Variants in KERA observed in about 807,000 individuals in gnomAD.
KERA encodes keratan sulfate proteoglycan keratocan.
KERA carries 25 observed loss-of-function variants against 26.4 expected under a neutral mutation model. The observed-to-expected ratio is 0.95, with a 90% CI of 0.69 to 1.32. KERA has a LOEUF of 1.32. KERA is among the 40% of genes most tolerant of loss of function. The pLI, the probability that KERA is intolerant of heterozygous loss-of-function variation, is 0.00. For synonymous variants in KERA, 167 were observed against 146.1 expected (o/e 1.14, Z -1.03); for missense variants, 434 against 408.9 (o/e 1.06, Z -0.53).
Position 91,055,919 on chromosome 12 carries a change from C to T in KERA, c.363G>A (p.Lys121=). ...CTTCCAGAAATAAGAAGAGCAACTTCTTCAGCTGGCTTAGGGCTCCTTTTT... is the reference window on the plus strand; with the variant it reads ...CTTCCAGAAATAAGAAGAGCAACTTTTTCAGCTGGCTTAGGGCTCCTTTTT... ...GIEKGALSQL[K]KLLFLFLEDN... The change falls in exon 2 of 3, where the codon AAG becomes AAA. Residue 121 remains lysine (K), a synonymous_variant. Coordinates refer to ENST00000266719, the MANE Select transcript of KERA (RefSeq NM_007035.4). The T allele has an allele frequency of 6.2e-7, 1 of 1,611,190 alleles. No homozygotes were observed. The highest frequency in any genetic ancestry group is 8.5e-7 in the Non-Finnish European group (1 of 1,178,194).
Position 91,051,227 on chromosome 12 carries a change from T to C in KERA, c.*119A>G. The stretch of plus-strand genomic sequence containing the variant: ...GAATAGAAAAAATACACTGCACAAA[T>C]GAAAATGGTGGCCGAGAGCAATGGG... On this transcript the variant is annotated 3_prime_UTR_variant, in exon 3 of 3. Coordinates refer to ENST00000266719, the MANE Select transcript of KERA (RefSeq NM_007035.4). 2 of 826,904 alleles carry C rather than the reference T, an allele frequency of 2.4e-6. No homozygotes were observed. Among genetic ancestry groups the C allele is most frequent in the South Asian group, 2.9e-5 (2 of 69,458 alleles). The allele number at this position is 826,904 out of a possible 1,614,324, so 51.2% of individuals were successfully genotyped here. A position where few individuals can be genotyped will look rare whatever the true frequency, so the allele number is the denominator to read the frequency against.
At chr12:91,056,349 A>T in intron 1 of KERA, 60 bp from the exon 2 acceptor site, 2 of 1,311,814 alleles carry the variant, frequency 1.5e-6, no homozygotes, top group Non-Finnish European at 2.2e-6. Context: ...AGATAATTTT[A>T]TACATCAAAA....
chr12:91,055,296 CG>C, intron 2 of KERA, 99 bp downstream of exon 2: 1 of 1,048,778 alleles, frequency 9.5e-7, no homozygotes, highest in Non-Finnish European at 1.4e-6. Flanking sequence ...GGAACATTAG[CG>C]GGGGAGGGGG....
chr12:91,055,621 C>G lies in KERA; in HGVS notation c.661G>C (p.Asp221His), dbSNP rs755859874. ...LPANTMQLFLDNNSIEGIPEN... is the reference protein window; with the variant it reads ...LPANTMQLFLHNNSIEGIPEN... ...GGTATTCCTTCAATGGAATTGTTGT[C>G]TAAAAACAACTGCATTGTATTGGCT... The change falls in exon 2 of 3, where the codon GAC becomes CAC. Residue 221 changes from aspartate (D) to histidine (H), a missense_variant. Transcript: ENST00000266719. 1 of 1,611,166 alleles carries G rather than the reference C, an allele frequency of 6.2e-7. No homozygotes were observed. The highest frequency in any genetic ancestry group is 8.5e-7 in the Non-Finnish European group (1 of 1,178,104).
chr12:91,051,652 C>CTTGTGTTATACAAA, intron 2 of KERA, 134 bp from the exon 3 acceptor site: 1 of 689,376 alleles, frequency 1.5e-6, no homozygotes, highest in Non-Finnish European at 2.6e-6. Flanking sequence ...TTATACAAAA[C>CTTGTGTTATACAAA]ATTTGTGTCA....
Position 91,056,230 on chromosome 12 carries a change from C to A in KERA, c.52G>T (p.Val18Leu). The stretch of plus-strand genomic sequence containing the variant: ...ACCTGCCTCACACTTCTAGACCACA[C>A]AGTGTCTGTTATGAATAACACCCAC... ...IMWVLFITDT[V>L]WSRSVRQVYE... The change falls in exon 2 of 3, where the codon GTG becomes TTG. Residue 18 changes from valine (V) to leucine (L), a missense_variant. Physicochemically the swap from Val to Leu is conservative, Grantham distance 32. Coordinates refer to ENST00000266719, the MANE Select transcript of KERA (RefSeq NM_007035.4). The A allele has an allele frequency of 6.2e-7, 1 of 1,609,218 alleles. No homozygotes were observed. Among genetic ancestry groups the A allele is most frequent in the Non-Finnish European group, 8.5e-7 (1 of 1,176,816 alleles).
Position 91,051,538 on chromosome 12 carries a change from A to G in KERA, c.887-20T>C. ...TCACACCTACAGTGACAAAGAGAAT[A>G]GATGAATGAATTGGAACACAAGAGA... On this transcript the variant is annotated intron_variant, in intron 2 of 2. Transcript: ENST00000266719. 1 of 1,572,270 alleles carries G rather than the reference A, an allele frequency of 6.4e-7. No individual in the cohort carries two copies.
chr12:91,051,015 C>T lies in KERA; in HGVS notation c.*331G>A, dbSNP rs1304504560. ...ATCTGCATAAGTAATTTTAAACATACACAAATGTGTCCTTTTTATTGTATA... is the reference window on the plus strand; with the variant it reads ...ATCTGCATAAGTAATTTTAAACATATACAAATGTGTCCTTTTTATTGTATA... On this transcript the variant is annotated 3_prime_UTR_variant, in exon 3 of 3. Transcript: ENST00000266719. 1 of 240,682 alleles carries T rather than the reference C, an allele frequency of 4.2e-6. No homozygotes were observed. Among genetic ancestry groups the T allele is most frequent in the Non-Finnish European group, 8.3e-6 (1 of 119,830 alleles). 14.9% of individuals were successfully genotyped at this position (240,682 alleles called of 1,614,324 possible). A position where few individuals can be genotyped will look rare whatever the true frequency, so the allele number is the denominator to read the frequency against.
chr12:91,052,548 A>C (rs559430238), intron 2 of KERA, among the ~76,000 whole-genome samples: 10 of 151,672 alleles, frequency 6.6e-5, no homozygotes, highest in African/African-American at 2.2e-4. Context: ...GAATTTAATA[A>C]AAATAATGAC....
At chr12:91,055,225 A>G (rs967462062) in intron 2 of KERA, among the ~76,000 whole-genome samples, 171 bp downstream of exon 2, 2 of 151,144 alleles carry the variant, frequency 1.3e-5, no homozygotes, top group Admixed American at 6.6e-5. Flanking sequence ...TGGTTCATTA[A>G]GACTGTCTGC....
intron 1 of KERA, among the ~76,000 whole-genome samples, chr12:91,056,809 G>A (rs1879018187): frequency 1.3e-5 from 2 of 151,108 alleles, no homozygotes; most frequent in Non-Finnish European, 3.0e-5. Flanking sequence ...GCACTTTATG[G>A]TGAAGGAAGG....
In KERA at chr12:91,050,506, G is replaced by A. The variant is rs948576863; in HGVS notation, c.*840C>T. 15 of 151,562 alleles carry A rather than the reference G, an allele frequency of 9.9e-5. No homozygotes were observed. Among genetic ancestry groups the A allele is most frequent in the African/African-American group, 3.1e-4 (13 of 41,274 alleles). The allele number at this position is 151,562 out of a possible 1,614,324, so 9.4% of individuals were successfully genotyped here. The stretch of plus-strand genomic sequence containing the variant: ...CTATAACACATTTTTATTAAAACAT[G>A]TTCTTTAATGAAGCTTGCTAATTTC... On this transcript the variant is annotated 3_prime_UTR_variant, in exon 3 of 3. Coordinates refer to ENST00000266719, the MANE Select transcript of KERA (RefSeq NM_007035.4).
chr12:91,051,305 A>G lies in KERA; in HGVS notation c.*41T>C, dbSNP rs1235625878. The G allele has an allele frequency of 2.0e-6, 3 of 1,531,962 alleles. No homozygotes were observed. The highest frequency in any genetic ancestry group is 2.7e-6 in the Non-Finnish European group (3 of 1,107,038). The allele number at this position is 1,531,962 out of a possible 1,614,324, so 94.9% of individuals were successfully genotyped here. A position where few individuals can be genotyped will look rare whatever the true frequency, so the allele number is the denominator to read the frequency against. On this transcript the variant is annotated 3_prime_UTR_variant, in exon 3 of 3. Coordinates refer to ENST00000266719, the MANE Select transcript of KERA (RefSeq NM_007035.4). ...AATGGTAACCACATTTCATGTCAGA[A>G]ACAGCTCATTAAACTAATTTTAGAT...
At chr12:91,054,786 G>A (rs1878949082) in intron 2 of KERA, among the ~76,000 whole-genome samples, 1 of 151,184 alleles carries the variant, frequency 6.6e-6, no homozygotes, top group South Asian at 2.1e-4. Flanking sequence ...TTCTCAATGT[G>A]TAGTTCCCAG....
intron 2 of KERA, among the ~76,000 whole-genome samples, chr12:91,052,241 A>G (rs554733789): frequency 6.6e-6 from 1 of 151,536 alleles, no homozygotes; most frequent in African/African-American, 2.4e-5. Flanking sequence ...CTTGGATCAA[A>G]GCCCTTGGCA....
Position 91,051,189 on chromosome 12 carries a change from C to A in KERA, c.*157G>T, listed in dbSNP as rs1878855719. 4.6e-6 allele frequency: 3 copies of A among 651,214 alleles called. No individual in the cohort carries two copies. The highest frequency in any genetic ancestry group is 8.2e-6 in the Non-Finnish European group (3 of 364,168). 40.3% of individuals were successfully genotyped at this position (651,214 alleles called of 1,614,324 possible). On this transcript the variant is annotated 3_prime_UTR_variant, in exon 3 of 3. Coordinates refer to ENST00000266719, the MANE Select transcript of KERA (RefSeq NM_007035.4). ...TGCAGGCTGTGATGCATGTAACTGG[C>A]AAAAGCATCTTTGAATAGAAAAAAT...
Position 91,056,270 on chromosome 12 carries a change from T to C in KERA, c.12A>G (p.Thr4=). The C allele has an allele frequency of 6.2e-7, 1 of 1,609,200 alleles. No individual in the cohort carries two copies. Among genetic ancestry groups the C allele is most frequent in the Non-Finnish European group, 8.5e-7 (1 of 1,177,234 alleles). ...ATAACACCCACATGATGAAACAGAT[T>C]GTGCCTGCCATTATAGCACCTACAG... MAG[T]ICFIMWVLFI... is the part of the protein sequence containing the mutation. The change falls in exon 2 of 3, where the codon ACA becomes ACG. Residue 4 remains threonine (T), a synonymous_variant. Transcript: ENST00000266719.
In KERA at chr12:91,055,899, A is replaced by G. The variant is rs1363768222; in HGVS notation, c.383T>C (p.Leu128Pro). ...TACCTCCTCTAGCTCATTATCTTCC[A>G]GAAATAAGAAGAGCAACTTCTTCAG... Reference protein sequence around the residue: ...SQLKKLLFLFLEDNELEEVPS... With the variant: ...SQLKKLLFLFPEDNELEEVPS... Residue 128 changes from leucine to proline, a missense_variant, in exon 2 of 3, where the codon CTG becomes CCG. By Grantham distance (98) the Leu-to-Pro change is moderately conservative (BLOSUM62 -3). Coordinates refer to ENST00000266719, the MANE Select transcript of KERA (RefSeq NM_007035.4). 1 of 1,611,260 alleles carries G rather than the reference A, an allele frequency of 6.2e-7. No individual in the cohort carries two copies. Among genetic ancestry groups the G allele is most frequent in the East Asian group, 2.2e-5 (1 of 44,810 alleles).
rs1565745409 is a variant in KERA at position 91,055,556 on chromosome 12, CA to C, written c.725del (p.Leu242Ter). ...CTGACAGTTTGTTGTGATTTAGTCTCAAAAAGGCCACTTTAGGAATCACATT... is the reference window on the plus strand; with the variant it reads ...CTGACAGTTTGTTGTGATTTAGTCTCAAAAGGCCACTTTAGGAATCACATT... ...YFNVIPKVAF[L>X]RLNHNKLSDE... On this transcript the variant is annotated frameshift_variant, in exon 2 of 3. Transcript: ENST00000266719. LOFTEE classifies it high-confidence loss of function. The C allele has an allele frequency of 6.2e-7, 1 of 1,610,542 alleles. No individual in the cohort carries two copies. Among genetic ancestry groups the C allele is most frequent in the South Asian group, 1.1e-5 (1 of 90,998 alleles).
Sources: gnomAD v4.1 joint callset for allele counts (sites outside exome capture counted in the v4.1 genomes callset) on GRCh38, gnomAD v4.1.1 for gene constraint, MANE v1.5 for transcripts, NCBI Gene and HGNC (gene_info 2026-07-23, HGNC 2026-07-21) for gene names.